The following KCNC4 variants were observed in gnomAD, a reference collection of about 807,000 sequenced individuals.
KCNC4 encodes the protein potassium voltage-gated channel subfamily C member 4, also known as voltage-gated potassium channel KCNC4.
A neutral mutation model predicts 42.8 loss-of-function variants in KCNC4; 23 were observed. That is an observed-to-expected ratio of 0.54 (90% CI 0.39 to 0.76). The LOEUF (loss-of-function observed/expected upper bound fraction) is 0.76, where lower values mean the gene tolerates loss of function less well. KCNC4 is among the 30% of genes least tolerant of loss of function. KCNC4 has a pLI of 0.00. For missense variants in KCNC4, 751 were observed against 898.2 expected, an observed-to-expected ratio of 0.84 and a Z score of 2.10; for synonymous variants, 422 against 393.5, an observed-to-expected ratio of 1.07 and a Z score of -0.86.
At chr1:110,228,819 G>GAGA (rs1239602763) in intron 3 of KCNC4, 2 of 152,474 alleles carry the variant, frequency 1.3e-5, no homozygotes, top group Non-Finnish European at 2.9e-5. Flanking sequence ...CAGGACAGAG[G>GAGA]AGAACTTAGG....
downstream of KCNC4, among the ~76,000 whole-genome samples, chr1:110,251,819 G>A (rs1292389986): frequency 6.6e-6 from 1 of 152,230 alleles, no homozygotes; most frequent in East Asian, 1.9e-4. Flanking sequence ...AGGCACAAAA[G>A]GTTAAGGCCC....
intron 1 of KCNC4, among the ~76,000 whole-genome samples, chr1:110,256,516 A>G (rs1659334119): frequency 2.0e-5 from 3 of 152,248 alleles, no homozygotes; most frequent in Admixed American, 6.5e-5. Flanking sequence ...CAGATATTCC[A>G]GCTTTTACTG....
chr1:110,248,020 A>G (rs997359393), exon 4 of KCNC4: 3 of 152,230 alleles, frequency 2.0e-5, no homozygotes, highest in African/African-American at 7.2e-5. Context: ...GCCCTGGCCA[A>G]TTAGATCACA....
chr1:110,211,583 G>T lies in KCNC4; in HGVS notation c.84G>T (p.Glu28Asp). ...CGTCCAAAACATGTCTGAAGGAGGA[G>T]ATGGCCAAGGGCGAGGCGTCGGAGA... ...KPPSKTCLKE[E>D]MAKGEASEKI... is the part of the protein sequence containing the mutation. The change falls in exon 1 of 4, where the codon GAG becomes GAT. Residue 28 changes from glutamate (E) to aspartate (D), a missense_variant. By Grantham distance (45) the Glu-to-Asp change is conservative. Around this residue, in one of 4 missense-constraint regions of KCNC4, gnomAD observed 183 missense variants for 255.8 expected, o/e 0.72. Transcript: ENST00000438661. This position sits in a 1 kb window ranked among gnomAD's most constrained non-coding sequence, Gnocchi z 6.5. The T allele has an allele frequency of 1.9e-6, 3 of 1,614,134 alleles. No homozygotes were observed. The highest frequency in any genetic ancestry group is 2.5e-6 in the Non-Finnish European group (3 of 1,179,990).
At chr1:110,265,233 G>A (rs1486407115) in intron 1 of KCNC4, among the ~76,000 whole-genome samples, 4 of 151,992 alleles carry the variant, frequency 2.6e-5, no homozygotes, top group South Asian at 2.1e-4. Flanking sequence ...GAAAGATCTC[G>A]TTTATAGTGT....
chr1:110,265,392 TA>T lies in KCNC4; in HGVS notation n.31-17138del, dbSNP rs1557874036. ...TAAAATAAAATAAAATAAAATAAAA[TA>T]AAATAAAATAAAATAAAATAAAATA... On this transcript the variant is annotated intron_variant and non_coding_transcript_variant, in intron 1 of 2. Coordinates refer to the KCNC4 transcript ENST00000412512. 1.2e-3 allele frequency among the ~76,000 whole-genome samples: 170 copies of T among 138,460 alleles called. 1 individual carries two copies. The highest frequency in any genetic ancestry group is 7.9e-3 in the East Asian group (39 of 4,924). The allele number at this position is 138,460 out of a possible 152,430, so 90.8% of individuals were successfully genotyped here.
intron 1 of KCNC4, among the ~76,000 whole-genome samples, chr1:110,278,160 A>AAAAGT (rs1659756031): frequency 1.3e-5 from 2 of 148,292 alleles, no homozygotes; most frequent in African/African-American, 2.5e-5. Context: ...AAAGAAAAGG[A>AAAAGT]AGGAAGGAAG....
chr1:110,262,643 G>A (rs1659474735), intron 1 of KCNC4, among the ~76,000 whole-genome samples: 1 of 152,154 alleles, frequency 6.6e-6, no homozygotes, highest in Non-Finnish European at 1.5e-5. Context: ...TAGCAATACA[G>A]CTGTCCTTCT....
chr1:110,217,558 C>T lies in KCNC4; in HGVS notation c.678+5381C>T, dbSNP rs1657864331. 1.3e-5 allele frequency among the ~76,000 whole-genome samples: 2 copies of T among 152,132 alleles called. 1 individual carries two copies. Among genetic ancestry groups the T allele is most frequent in the South Asian group, 4.1e-4 (2 of 4,834 alleles). On this transcript the variant is annotated intron_variant, in intron 1 of 3. Transcript: ENST00000438661. ...ATTCCATTTGACTGAATAGCGGGTT[C>T]TTGGATAGTGATCCGGGCTAGACTG...
At chr1:110,242,992 GC>G (rs1232912143) in exon 4 of KCNC4, 1 of 152,206 alleles carries the variant, frequency 6.6e-6, no homozygotes, top group African/African-American at 2.4e-5. Context: ...GTGACCTTGG[GC>G]AAATGACTTA....
exon 2 of KCNC4, chr1:110,282,643 A>C (rs1252216290): frequency 6.6e-6 from 1 of 152,310 alleles, no homozygotes; most frequent in Non-Finnish European, 1.5e-5. Flanking sequence ...ATCTCATTAC[A>C]GGCATCTGTG....
At chr1:110,260,508 G>A (rs1659405595) in intron 1 of KCNC4, among the ~76,000 whole-genome samples, 1 of 152,184 alleles carries the variant, frequency 6.6e-6, no homozygotes. Context: ...AAGAAATTCG[G>A]GTTGGAGATA....
chr1:110,213,645 A>T (rs80136765), intron 1 of KCNC4, among the ~76,000 whole-genome samples: 10 of 152,240 alleles, frequency 6.6e-5, no homozygotes, highest in Non-Finnish European at 1.5e-4. Flanking sequence ...AGGACTGACA[A>T]CAAAGCTAGA....
chr1:110,274,677 A>G (rs933800480), intron 1 of KCNC4, among the ~76,000 whole-genome samples: 2 of 152,234 alleles, frequency 1.3e-5, no homozygotes, highest in African/African-American at 4.8e-5. Flanking sequence ...AAAGATCAAT[A>G]GAACAGAATT....
intron 1 of KCNC4, among the ~76,000 whole-genome samples, chr1:110,261,667 T>C (rs746938419): frequency 2.6e-4 from 39 of 152,220 alleles, no homozygotes; most frequent in Non-Finnish European, 4.0e-4. Context: ...ATTCCTTTAC[T>C]GGGCAGCAAA....
intron 1 of KCNC4, among the ~76,000 whole-genome samples, chr1:110,270,739 G>C (rs1436430782): frequency 2.6e-5 from 4 of 152,172 alleles, no homozygotes; most frequent in Non-Finnish European, 5.9e-5. Context: ...AAGTGGGCCT[G>C]GCTCTTCTCA....
At chr1:110,228,939 T>G (rs1229892084) in intron 3 of KCNC4, 2 of 152,172 alleles carry the variant, frequency 1.3e-5, no homozygotes, top group African/African-American at 4.8e-5. Context: ...GGCCTCTTCC[T>G]GGGCTGTAGG....
At position 110,212,001 on chromosome 1, in the gene KCNC4, G is replaced by A. The variant is rs766690340; in HGVS notation, c.502G>A (p.Gly168Ser). 6.2e-7 allele frequency: 1 copy of A among 1,606,980 alleles called. No individual in the cohort carries two copies. Among genetic ancestry groups the A allele is most frequent in the Non-Finnish European group, 8.5e-7 (1 of 1,177,858 alleles). Residue 168 changes from glycine (G) to serine (S), a missense_variant, in exon 1 of 4, where the codon GGC (glycine) becomes AGC (serine). Gly to Ser is a moderately conservative substitution (Grantham distance 56, BLOSUM62 0). Transcript: ENST00000438661. ...CATCTTCGAGAGCCCGGACGGAGGC[G>A]GCAGCGGCGCGGGGCCCAGCGACGA... ...LDIFESPDGG[G>S]SGAGPSDEAG...
At chr1:110,215,278 C>T (rs1012284164) in intron 1 of KCNC4, among the ~76,000 whole-genome samples, 1 of 152,190 alleles carries the variant, frequency 6.6e-6, no homozygotes, top group Non-Finnish European at 1.5e-5. Flanking sequence ...CTGTGCTGGG[C>T]CCATGGGCAG....
Sources: gnomAD v4.1 joint callset for allele counts (sites outside exome capture counted in the v4.1 genomes callset) on GRCh38, gnomAD v4.1.1 for gene constraint, gnomAD v4.1.1 regional missense constraint, Gnocchi (gnomAD v3.1) non-coding constraint, MANE v1.5 for transcripts, NCBI Gene and HGNC (gene_info 2026-07-23, HGNC 2026-07-21) for gene names.